Variants in CADPS2 observed in about 807,000 individuals in gnomAD.
The protein encoded by CADPS2 is calcium-dependent secretion activator 2.
A neutral mutation model predicts 172.5 loss-of-function variants in CADPS2; 93 were observed. The ratio of observed to expected loss-of-function variants is 0.54; its 90% confidence interval spans 0.46 to 0.64. CADPS2 has a LOEUF of 0.64. Among genes scored for constraint, CADPS2 ranks in the 30% least tolerant of loss-of-function variants. CADPS2 has a pLI of 0.00. For synonymous variants in CADPS2, 546 were observed against 555.2 expected (o/e 0.98, Z 0.23); for missense variants, 1,420 against 1,565.9 (o/e 0.91, Z 1.57).
At chr7:122,540,482 C>T (rs183294271) in intron 8 of CADPS2, among the ~76,000 whole-genome samples, 100 of 152,118 alleles carry the variant, frequency 6.6e-4, no homozygotes, top group African/African-American at 2.4e-3. Context: ...TGGGTATGCT[C>T]CTCAATTTGG....
intron 24 of CADPS2, among the ~76,000 whole-genome samples, chr7:122,380,918 G>C (rs1168088594): frequency 6.6e-6 from 1 of 152,086 alleles, no homozygotes; most frequent in Non-Finnish European, 1.5e-5. Flanking sequence ...AGCTTGAAGA[G>C]AAGGAAAACG....
chr7:122,648,631 A>C (rs2134864770), intron 3 of CADPS2, among the ~76,000 whole-genome samples: 1 of 152,280 alleles, frequency 6.6e-6, no homozygotes, highest in South Asian at 2.1e-4. Context: ...TCCAGCAGGT[A>C]AACACTGACA....
chr7:122,859,810 C>G (rs1816430237), intron 1 of CADPS2, among the ~76,000 whole-genome samples: 1 of 152,018 alleles, frequency 6.6e-6, no homozygotes, highest in African/African-American at 2.4e-5. Flanking sequence ...CATTATTATA[C>G]TATTTTTTGT....
intron 22 of CADPS2, among the ~76,000 whole-genome samples, chr7:122,390,756 T>C (rs1334282857): frequency 1.3e-5 from 2 of 152,092 alleles, no homozygotes; most frequent in Non-Finnish European, 2.9e-5. Context: ...CTGGAGTTGG[T>C]ACATATAACC....
At chr7:122,758,065 T>C (rs900900374) in intron 1 of CADPS2, among the ~76,000 whole-genome samples, 1 of 152,160 alleles carries the variant, frequency 6.6e-6, no homozygotes, top group African/African-American at 2.4e-5. Context: ...GCAAACAGAA[T>C]CAAGAAAAGT....
chr7:122,654,168 A>G (rs2079485849), intron 3 of CADPS2, among the ~76,000 whole-genome samples: 2 of 152,328 alleles, frequency 1.3e-5, no homozygotes, highest in Middle Eastern at 3.4e-3. Context: ...TTGGTTCATG[A>G]GGAAAAAGGC....
chr7:122,760,001 TACAC>T (rs1002441217), intron 1 of CADPS2, among the ~76,000 whole-genome samples: 2 of 150,282 alleles, frequency 1.3e-5, no homozygotes, highest in Non-Finnish European at 3.0e-5. Context: ...TATATATATA[TACAC>T]ACACACACAC....
At chr7:122,665,502 T>C (rs2081094935) in intron 2 of CADPS2, among the ~76,000 whole-genome samples, 1 of 152,180 alleles carries the variant, frequency 6.6e-6, no homozygotes, top group Non-Finnish European at 1.5e-5. Context: ...GTTAAAAATA[T>C]CATGTCAAAA....
chr7:122,708,976 T>A (rs2136616734), intron 2 of CADPS2, among the ~76,000 whole-genome samples: 1 of 152,168 alleles, frequency 6.6e-6, no homozygotes, highest in African/African-American at 2.4e-5. Flanking sequence ...GAACAAAATG[T>A]ATCTTCATAT....
At chr7:122,850,982 C>T (rs1813421536) in intron 1 of CADPS2, among the ~76,000 whole-genome samples, 1 of 152,178 alleles carries the variant, frequency 6.6e-6, no homozygotes, top group Admixed American at 6.5e-5. Flanking sequence ...TCTCTCTACT[C>T]CCACTAAGAC....
At chr7:122,777,114 G>A (rs1484347260) in intron 1 of CADPS2, among the ~76,000 whole-genome samples, 1 of 152,152 alleles carries the variant, frequency 6.6e-6, no homozygotes, top group Non-Finnish European at 1.5e-5. Flanking sequence ...TCATGCCATT[G>A]CACTCCAGCC....
At chr7:122,858,178 A>G (rs750945897) in intron 1 of CADPS2, among the ~76,000 whole-genome samples, 2 of 152,068 alleles carry the variant, frequency 1.3e-5, no homozygotes, top group Non-Finnish European at 2.9e-5. Context: ...CATTTAACAG[A>G]GTGCTGATTG....
intron 3 of CADPS2, among the ~76,000 whole-genome samples, chr7:122,650,562 G>C (rs1423414024): frequency 6.6e-6 from 1 of 152,050 alleles, no homozygotes. Flanking sequence ...AATGTCTAAA[G>C]GTAATCTATA....
chr7:122,751,400 T>C (rs1213925124), intron 1 of CADPS2, among the ~76,000 whole-genome samples: 3 of 152,150 alleles, frequency 2.0e-5, no homozygotes, highest in African/African-American at 7.2e-5. Context: ...ATGCATCTAT[T>C]CCACTAAGTG....
At chr7:122,511,210 T>TC (rs1326818470) in intron 9 of CADPS2, among the ~76,000 whole-genome samples, 1 of 152,082 alleles carries the variant, frequency 6.6e-6, no homozygotes, top group Non-Finnish European at 1.5e-5. Context: ...CACTTTTAGC[T>TC]CCCCAAAGAC....
At position 122,605,650 on chromosome 7, in the gene CADPS2, A is replaced by G. The variant is rs527805143; in HGVS notation, c.1223+9531T>C. Among the ~76,000 whole-genome samples, 3 of 152,264 alleles carry G rather than the reference A, an allele frequency of 2.0e-5. No individual in the cohort carries two copies. The East Asian group carries it at 5.8e-4, about 29-fold the overall frequency. ...TCAAAATTACCTATGCCAAATCTAT[A>G]TATATTTTTTCTCTGATCTTAAGGA... is the stretch of plus-strand genomic sequence containing the variant. On this transcript the variant is annotated intron_variant, in intron 6 of 29. Coordinates refer to ENST00000449022, the MANE Select transcript of CADPS2 (RefSeq NM_017954.11).
intron 2 of CADPS2, among the ~76,000 whole-genome samples, chr7:122,713,633 G>GA (rs752631327): frequency 0.011 from 1,525 of 145,202 alleles, 12 homozygotes; most frequent in Middle Eastern, 0.032. Context: ...TATTGGTAAA[G>GA]AAAAAAAAAA....
chr7:122,490,726 AT>A (rs2058205907), intron 10 of CADPS2, among the ~76,000 whole-genome samples: 1 of 149,702 alleles, frequency 6.7e-6, no homozygotes, highest in South Asian at 2.1e-4. Flanking sequence ...AATATTTTGC[AT>A]TTTAAGTGAA....
intron 1 of CADPS2, among the ~76,000 whole-genome samples, chr7:122,860,785 T>A (rs1816759752): frequency 6.6e-6 from 1 of 152,158 alleles, no homozygotes; most frequent in African/African-American, 2.4e-5. Flanking sequence ...TCTCTACTTC[T>A]ATGAGATCAA....
Sources: gnomAD v4.1 joint callset for allele counts (sites outside exome capture counted in the v4.1 genomes callset) on GRCh38, gnomAD v4.1.1 for gene constraint, MANE v1.5 for transcripts, NCBI Gene and HGNC (gene_info 2026-07-23, HGNC 2026-07-21) for gene names.